Variants in MROH2B observed in about 807,000 individuals in gnomAD.
MROH2B encodes the protein maestro heat-like repeat-containing protein family member 2B.
MROH2B carries 177 observed loss-of-function variants against 208.6 expected under a neutral mutation model. The observed-to-expected ratio is 0.85, with a 90% confidence interval of 0.75 to 0.96. The LOEUF (loss-of-function observed/expected upper bound fraction) is 0.96. MROH2B is among the 40% of genes least tolerant of loss of function. The probability of loss-of-function intolerance (pLI) is 0.00; values close to 1 mark genes in which losing one functional copy is unlikely to be tolerated. For missense variants in MROH2B, 2,002 were observed against 1,878.7 expected (o/e 1.07, Z -1.21); for synonymous variants, 728 against 659.0 (o/e 1.10, Z -1.60).
chr5:41,046,160 T>C (rs886661662), intron 17 of MROH2B, among the ~76,000 whole-genome samples: 3 of 152,052 alleles, frequency 2.0e-5, no homozygotes, highest in African/African-American at 7.2e-5. Context: ...AAACTTAAAG[T>C]TGGCATTTTT....
At chr5:41,049,075 A>G (rs1291575542) in intron 15 of MROH2B, 26 bp downstream of exon 15, 19 of 1,577,870 alleles carry the variant, frequency 1.2e-5, no homozygotes, top group Middle Eastern at 1.7e-4. Context: ...AATTTGTTCT[A>G]CTTTGGTTCT....
rs325864 is a variant in MROH2B, at chr5:41,049,295, C to T, written c.1486G>A (p.Val496Ile). 1,403,926 of 1,611,826 alleles carry T rather than the reference C, an allele frequency of 0.87. 613,277 individuals are homozygous for T. Among genetic ancestry groups the T allele is most frequent in the Middle Eastern group, 0.9 (5,417 of 6,048 alleles). ...ATGTACAGACCAGCTCCTGTAGAGA[C>T]GACAAGTGCTGTCGACTCCTTGGCA... ...HSAKESTALVVSTGAVKLPSP... is the reference protein window; with the variant it reads ...HSAKESTALVISTGAVKLPSP... Residue 496 changes from valine to isoleucine, a missense_variant, in exon 14 of 42, where the codon GTC (valine) becomes ATC (isoleucine). Physicochemically the swap from Val to Ile is conservative, Grantham distance 29 (BLOSUM62 3). Transcript: ENST00000399564.
intron 24 of MROH2B, among the ~76,000 whole-genome samples, chr5:41,032,500 T>C (rs1259073903): frequency 6.6e-6 from 1 of 152,060 alleles, no homozygotes; most frequent in East Asian, 1.9e-4. Flanking sequence ...AGTCCTCATA[T>C]ATTAATACAT....
chr5:41,011,999 C>G (rs1366751212), intron 30 of MROH2B, among the ~76,000 whole-genome samples: 1 of 152,156 alleles, frequency 6.6e-6, no homozygotes, highest in Non-Finnish European at 1.5e-5. Context: ...GTTTGAATAA[C>G]TTGTATTCTA....
chr5:41,022,085 G>T, intron 24 of MROH2B, among the ~76,000 whole-genome samples: 1 of 152,238 alleles, frequency 6.6e-6, no homozygotes, highest in Middle Eastern at 3.4e-3. Context: ...CAAGATGGCC[G>T]AATAGGAACA....
At position 41,038,628 on chromosome 5, in the gene MROH2B, A is replaced by G. The variant is rs535548323; in HGVS notation, c.2214+108T>C. On this transcript the variant is annotated intron_variant, in intron 21 of 41. Coordinates refer to ENST00000399564, the MANE Select transcript of MROH2B (RefSeq NM_173489.5). ...ATTAGTCTGTTTTCACGTGGCTGAT[A>G]AAAACATACCCAAGTCTGGGAAGGA... 194 of 1,123,110 alleles carry G rather than the reference A, an allele frequency of 1.7e-4. 5 individuals are homozygous for G. The South Asian group carries it at 3.6e-3, about 21-fold the overall frequency. The allele number at this position is 1,123,110 out of a possible 1,614,324, so 69.6% of individuals were successfully genotyped here.
Position 41,017,987 on chromosome 5 carries a change from G to T in MROH2B, c.2764-17C>A. Reference sequence around the variant, plus strand: ...CTCTGGTGCCTGCAGGATAAAGGAGGCATCCTATTGTGATGGGGTAGCTTG... The same window carrying T: ...CTCTGGTGCCTGCAGGATAAAGGAGTCATCCTATTGTGATGGGGTAGCTTG... On this transcript the variant is annotated splice_polypyrimidine_tract_variant and intron_variant, in intron 27 of 41. Coordinates refer to ENST00000399564, the MANE Select transcript of MROH2B (RefSeq NM_173489.5). The T allele has an allele frequency of 1.3e-6, 2 of 1,566,942 alleles. No individual in the cohort carries two copies. The highest frequency in any genetic ancestry group is 2.7e-5 in the African/African-American group (2 of 74,058).
In MROH2B at chr5:41,058,050, G is replaced by T. The variant is rs370835100; in HGVS notation, c.756+13C>A. 1.3e-6 allele frequency: 2 copies of T among 1,548,766 alleles called. No homozygotes were observed. The highest frequency in any genetic ancestry group is 1.7e-6 in the Non-Finnish European group (2 of 1,144,942). Reference sequence around the variant, plus strand: ...GGTTCTCTGATTCAGTTCCTTTAGGGTATGGCTCTTACCTGAGTGACATGG... The same window carrying T: ...GGTTCTCTGATTCAGTTCCTTTAGGTTATGGCTCTTACCTGAGTGACATGG... On this transcript the variant is annotated intron_variant, in intron 7 of 41. Coordinates refer to ENST00000399564, the MANE Select transcript of MROH2B (RefSeq NM_173489.5).
intron 29 of MROH2B, among the ~76,000 whole-genome samples, chr5:41,014,303 C>G (rs977931603): frequency 1.3e-5 from 2 of 152,198 alleles, no homozygotes; most frequent in African/African-American, 2.4e-5. Context: ...TTCTGAGAAC[C>G]CTCCATTGGC....
At chr5:41,021,956 C>G (rs200380001) in intron 24 of MROH2B, among the ~76,000 whole-genome samples, 1 of 152,128 alleles carries the variant, frequency 6.6e-6, no homozygotes, top group African/African-American at 2.4e-5. Context: ...AAATGAACTA[C>G]GACAAGGGTG....
At chr5:41,067,863 C>A (rs1435347350) in intron 2 of MROH2B, among the ~76,000 whole-genome samples, 9 of 152,186 alleles carry the variant, frequency 5.9e-5, no homozygotes, top group African/African-American at 2.2e-4. Flanking sequence ...AAATGCCTGT[C>A]AGCTTAATTG....
At chr5:41,022,243 G>C (rs895596675) in intron 24 of MROH2B, among the ~76,000 whole-genome samples, 1 of 152,184 alleles carries the variant, frequency 6.6e-6, no homozygotes, top group Admixed American at 6.5e-5. Flanking sequence ...AGCCAAAGCA[G>C]GGCGAGGCAT....
chr5:41,025,334 A>T, intron 24 of MROH2B, among the ~76,000 whole-genome samples: 1 of 152,164 alleles, frequency 6.6e-6, no homozygotes, highest in East Asian at 1.9e-4. Flanking sequence ...CAGACACAAT[A>T]AAAAATGATA....
chr5:41,024,376 GT>G (rs2111899943), intron 24 of MROH2B, among the ~76,000 whole-genome samples: 1 of 152,168 alleles, frequency 6.6e-6, no homozygotes, highest in Non-Finnish European at 1.5e-5. Context: ...AAAGGCAGGG[GT>G]TGCAATCCTA....
intron 37 of MROH2B, among the ~76,000 whole-genome samples, chr5:41,002,757 T>C (rs530048625): frequency 1.1e-4 from 16 of 152,274 alleles, no homozygotes; most frequent in African/African-American, 3.9e-4. Flanking sequence ...GGCAACATTA[T>C]CTTGACCACT....
At chr5:41,060,633 C>T (rs555170425) in intron 6 of MROH2B, among the ~76,000 whole-genome samples, 1 of 152,304 alleles carries the variant, frequency 6.6e-6, no homozygotes, top group Admixed American at 6.5e-5. Context: ...TCCAATGTCG[C>T]AGCTCACCAG....
chr5:41,038,677 C>T (rs1300798872), intron 21 of MROH2B, 59 bp downstream of exon 21: 2 of 1,520,856 alleles, frequency 1.3e-6, no homozygotes, highest in Admixed American at 2.0e-5. Context: ...GGGACTGAGC[C>T]CCTGCAAGTT....
At chr5:41,032,894 T>C in intron 23 of MROH2B, 73 bp from the exon 24 acceptor site, 1 of 1,556,788 alleles carries the variant, frequency 6.4e-7, no homozygotes, top group African/African-American at 1.4e-5. Context: ...TGCAACCTCA[T>C]CAGACCATTG....
At chr5:41,051,874 C>G (rs758722684) in intron 12 of MROH2B, among the ~76,000 whole-genome samples, 34 of 152,162 alleles carry the variant, frequency 2.2e-4, no homozygotes, top group Non-Finnish European at 4.4e-5. Flanking sequence ...CATCAGCATA[C>G]AGCTTTTTCT....
Sources: gnomAD v4.1 joint callset for allele counts (sites outside exome capture counted in the v4.1 genomes callset) on GRCh38, gnomAD v4.1.1 for gene constraint, MANE v1.5 for transcripts, NCBI Gene and HGNC (gene_info 2026-07-23, HGNC 2026-07-21) for gene names.